Variants in SANBR observed in about 807,000 individuals in gnomAD.
SANBR encodes SANT and BTB domain regulator of CSR, also known as SANT and BTB domain regulator of class switch recombination.
In SANBR, 77 loss-of-function variants were observed where a neutral mutation model predicts 101.8. That is an observed-to-expected ratio of 0.76 (90% CI 0.63 to 0.91). The LOEUF is 0.91. Ranked by LOEUF, SANBR falls within the 40% of genes least tolerant of loss-of-function variation. The probability of loss-of-function intolerance (pLI) is 0.00; values close to 1 mark genes in which losing one functional copy is unlikely to be tolerated. For missense variants in SANBR, 875 were observed against 853.0 expected, an observed-to-expected ratio of 1.03 and a Z score of -0.32; for synonymous variants, 279 against 274.7, an observed-to-expected ratio of 1.02 and a Z score of -0.15.
At chr2:61,103,000 C>T (rs559437110) in intron 12 of SANBR, among the ~76,000 whole-genome samples, 5 of 152,060 alleles carry the variant, frequency 3.3e-5, no homozygotes, top group Admixed American at 2.0e-4. Flanking sequence ...TTAGTAGCCC[C>T]AAACTAGAAA....
chr2:61,080,461 G>A (rs1293213283), intron 6 of SANBR, among the ~76,000 whole-genome samples: 2 of 152,244 alleles, frequency 1.3e-5, no homozygotes, highest in African/African-American at 4.8e-5. Flanking sequence ...GGTGGCTCAC[G>A]CCTGTAATCC....
chr2:61,079,927 C>G (rs561376566), intron 6 of SANBR, among the ~76,000 whole-genome samples: 2 of 151,064 alleles, frequency 1.3e-5, no homozygotes, highest in African/African-American at 2.4e-5. Context: ...GCCCGGCACT[C>G]TGGCTCACGC....
At chr2:61,075,178 G>C (rs1171756319) in intron 5 of SANBR, 3 of 152,282 alleles carry the variant, frequency 2.0e-5, no homozygotes, top group African/African-American at 2.4e-5. Context: ...GTAGGACAGT[G>C]TGTCTCTCTC....
intron 5 of SANBR, among the ~76,000 whole-genome samples, chr2:61,075,711 T>TGC: frequency 6.6e-6 from 1 of 151,890 alleles, no homozygotes; most frequent in East Asian, 1.9e-4. Flanking sequence ...TTTATTAATT[T>TGC]ATATTTAATA....
chr2:61,125,829 C>T (rs1684498319), downstream of SANBR, among the ~76,000 whole-genome samples: 3 of 152,220 alleles, frequency 2.0e-5, no homozygotes, highest in South Asian at 6.2e-4. Context: ...CCTCATTTTA[C>T]AGGTGGAAGA....
intron 11 of SANBR, among the ~76,000 whole-genome samples, chr2:61,093,730 T>C (rs762419475): frequency 1.3e-5 from 2 of 152,238 alleles, no homozygotes; most frequent in Admixed American, 6.5e-5. Flanking sequence ...TACACTTCTA[T>C]AGAAATTCAG....
rs900228076 is a variant in SANBR at position 61,122,454 on chromosome 2, T to C, written c.*292T>C. ...ACTCCCAGTGTTTTCCTTTATTTATTTGAAAAAGAAAGGCCTAAACTGTCA... is the reference window on the plus strand; with the variant it reads ...ACTCCCAGTGTTTTCCTTTATTTATCTGAAAAAGAAAGGCCTAAACTGTCA... On this transcript the variant is annotated 3_prime_UTR_variant, in exon 22 of 22. Transcript: ENST00000402291. 2.7e-6 allele frequency: 3 copies of C among 1,109,364 alleles called. No individual in the cohort carries two copies. The highest frequency in any genetic ancestry group is 3.3e-6 in the Non-Finnish European group (3 of 910,848). The allele number at this position is 1,109,364 out of a possible 1,614,324, so 68.7% of individuals were successfully genotyped here. A position where few individuals can be genotyped will look rare whatever the true frequency, so the allele number is the denominator to read the frequency against.
intron 10 of SANBR, chr2:61,089,309 G>C (rs545161259): frequency 1.6e-4 from 58 of 371,080 alleles, no homozygotes; most frequent in African/African-American, 1.2e-3. Flanking sequence ...TGAGGAGTTT[G>C]AGACCAGCCT....
chr2:61,098,077 A>T (rs6744036), intron 12 of SANBR, among the ~76,000 whole-genome samples: 1,356 of 116,832 alleles, frequency 0.012, 7 homozygotes, highest in African/African-American at 0.019. Flanking sequence ...ATATATATAT[A>T]TTTTTTGGAG....
rs1297359773 is a variant in SANBR, at chr2:61,109,681, G to GTT, written c.1744+403_1744+404dup. 5.3e-4 allele frequency among the ~76,000 whole-genome samples: 66 copies of GTT among 124,818 alleles called. 1 individual carries two copies. Among genetic ancestry groups the GTT allele is most frequent in the African/African-American group, 1.4e-3 (45 of 31,288 alleles). The allele number at this position is 124,818 out of a possible 152,430, so 81.9% of individuals were successfully genotyped here. A position where few individuals can be genotyped will look rare whatever the true frequency, so the allele number is the denominator to read the frequency against. ...TGGAAAGCATGTTTTTTTTGTGTTT[G>GTT]TTTTTTTTTTTTTTTTTTTGAGGCA... is the stretch of plus-strand genomic sequence containing the variant. On this transcript the variant is annotated intron_variant, in intron 16 of 21. Coordinates refer to ENST00000402291, the MANE Select transcript of SANBR (RefSeq NM_001129993.3).
At chr2:61,094,005 T>G (rs1381161353) in intron 11 of SANBR, 1 of 748,932 alleles carries the variant, frequency 1.3e-6, no homozygotes, top group African/African-American at 1.9e-5. Flanking sequence ...CCCCAGTAAT[T>G]TTCCTCTGTC....
At chr2:61,091,770 G>A (rs754608175) in intron 10 of SANBR, among the ~76,000 whole-genome samples, 14 of 151,922 alleles carry the variant, frequency 9.2e-5, no homozygotes, top group East Asian at 3.9e-4. Flanking sequence ...TCTCAAAAAC[G>A]AAACAAAAAC....
chr2:61,077,690 A>C (rs1005592225), intron 6 of SANBR, among the ~76,000 whole-genome samples: 2 of 152,252 alleles, frequency 1.3e-5, no homozygotes, highest in African/African-American at 4.8e-5. Context: ...TTGAATATAC[A>C]TATCTTTACT....
At chr2:61,126,423 A>G (rs1017686203), downstream of SANBR, among the ~76,000 whole-genome samples, 18 of 152,134 alleles carry the variant, frequency 1.2e-4, no homozygotes, top group Non-Finnish European at 1.5e-5. Flanking sequence ...TTGTGCTCAA[A>G]GCGACGTTCG....
chr2:61,117,464 T>C lies in SANBR; in HGVS notation c.1866-3T>C, dbSNP rs542247542. The C allele has an allele frequency of 6.2e-7, 1 of 1,613,728 alleles. No individual in the cohort carries two copies. The highest frequency in any genetic ancestry group is 2.2e-5 in the East Asian group (1 of 44,848). On this transcript the variant is annotated splice_polypyrimidine_tract_variant and splice_region_variant and intron_variant, in intron 18 of 21. Coordinates refer to ENST00000402291, the MANE Select transcript of SANBR (RefSeq NM_001129993.3). ...GCTGATTTTTGTTCAATTTTTTCAA[T>C]AGTATGAGTATGCAGAAGAATAAGT...
chr2:61,108,099 A>G (rs958083532), intron 14 of SANBR, among the ~76,000 whole-genome samples: 9 of 152,318 alleles, frequency 5.9e-5, no homozygotes, highest in African/African-American at 2.2e-4. Flanking sequence ...TAATACTGGG[A>G]AAGTGTCTTT....
chr2:61,070,476 C>T lies in SANBR; in HGVS notation c.126C>T (p.Leu42=), dbSNP rs375664926. Residue 42 remains leucine, a synonymous_variant, in exon 3 of 22, where the codon CTC becomes CTT. Transcript: ENST00000402291. ...TCAACTGGGAAACTATAGCAAGGCT[C>T]GTGCCTGGATTAACACCAAAAGAGG... The part of the protein sequence containing the change: ...QTINWETIAR[L]VPGLTPKECA... 5.7e-5 allele frequency: 91 copies of T among 1,605,486 alleles called. No individual in the cohort carries two copies. The East Asian group carries it at 1.4e-3, about 24-fold the overall frequency.
chr2:61,136,310 A>C (rs1261072414), intron 21 of SANBR, among the ~76,000 whole-genome samples: 1 of 150,910 alleles, frequency 6.6e-6, no homozygotes, highest in Non-Finnish European at 1.5e-5. Flanking sequence ...CTGAAAAAAA[A>C]AAAAAGAAAA....
chr2:61,069,491 T>C (rs1396065035), intron 2 of SANBR, among the ~76,000 whole-genome samples: 2 of 152,174 alleles, frequency 1.3e-5, no homozygotes, highest in African/African-American at 2.4e-5. Flanking sequence ...GAATCTCTGC[T>C]TTGTACTCTC....
Sources: allele counts gnomAD v4.1 joint callset (sites outside exome capture counted in the v4.1 genomes callset), GRCh38; gene constraint gnomAD v4.1.1; transcripts MANE v1.5; gene names NCBI Gene and HGNC (gene_info 2026-07-23, HGNC 2026-07-21).